MRAP2: variants seen among roughly 807,000 people sequenced by gnomAD.
The protein encoded by MRAP2 is melanocortin-2 receptor accessory protein 2.
In MRAP2, 20 loss-of-function variants were observed where a neutral mutation model predicts 17.4. The observed-to-expected ratio is 1.15, with a 90% CI of 0.81 to 1.67. The LOEUF (loss-of-function observed/expected upper bound fraction) is 1.67. Among genes scored for constraint, MRAP2 ranks in the 40% most tolerant of loss-of-function variants. The pLI is 0.00. For synonymous variants in MRAP2, 96 were observed against 88.4 expected (o/e 1.09, Z -0.48); for missense variants, 238 against 240.0 (o/e 0.99, Z 0.05).
chr6:84,109,151 T>G, the MRAP2 span, among the ~76,000 whole-genome samples: 12 of 152,282 alleles, frequency 7.9e-5, no homozygotes, highest in Admixed American at 7.2e-4. Context: ...TCTTGGCTTT[T>G]TGGGCTCTTT....
At chr6:84,121,579 G>C in the MRAP2 span, among the ~76,000 whole-genome samples, 1 of 152,078 alleles carries the variant, frequency 6.6e-6, no homozygotes. Flanking sequence ...AGGAGGCGGA[G>C]GTTGTAGTGA....
the MRAP2 span, among the ~76,000 whole-genome samples, chr6:84,140,927 A>T: frequency 6.6e-6 from 1 of 152,130 alleles, no homozygotes; most frequent in Non-Finnish European, 1.5e-5. Context: ...TCTTCCACGG[A>T]AAGAGGGAGG....
the MRAP2 span, among the ~76,000 whole-genome samples, chr6:84,137,471 T>C: frequency 6.6e-6 from 1 of 152,230 alleles, no homozygotes; most frequent in East Asian, 1.9e-4. Flanking sequence ...GCCACAATAG[T>C]CCCTGGGGTC....
intron 1 of MRAP2, among the ~76,000 whole-genome samples, chr6:84,037,058 T>C (rs904396978): frequency 3.3e-5 from 5 of 151,898 alleles, no homozygotes; most frequent in African/African-American, 1.2e-4. Flanking sequence ...AGAGTGCTGA[T>C]TGGTGTATTT....
At chr6:84,033,987 G>A in intron 1 of MRAP2, 104 bp downstream of exon 1, 1 of 903,272 alleles carries the variant, frequency 1.1e-6, no homozygotes, top group South Asian at 5.1e-5. Context: ...GGGTTTGGGG[G>A]CAGTCTTTAG....
chr6:84,125,320 G>A, the MRAP2 span: 5 of 1,538,344 alleles, frequency 3.3e-6, no homozygotes, highest in Non-Finnish European at 4.5e-6. Context: ...GTTCATAGTG[G>A]TGGGTGAGGA....
chr6:84,128,094 T>C, the MRAP2 span, among the ~76,000 whole-genome samples: 3 of 152,238 alleles, frequency 2.0e-5, no homozygotes, highest in Non-Finnish European at 4.4e-5. Context: ...TCACTATTCC[T>C]AGCACCCAGC....
At chr6:84,098,880 T>C in the MRAP2 span, among the ~76,000 whole-genome samples, 1 of 152,122 alleles carries the variant, frequency 6.6e-6, no homozygotes, top group African/African-American at 2.4e-5. Flanking sequence ...CTGCAAATAG[T>C]TTCTCTCAGT....
At chr6:84,040,228 G>A (rs1221916086) in intron 1 of MRAP2, among the ~76,000 whole-genome samples, 3 of 152,232 alleles carry the variant, frequency 2.0e-5, no homozygotes, top group Admixed American at 2.0e-4. Context: ...AAAGAAGGAT[G>A]TGTTTGCTTC....
At chr6:84,042,814 G>A (rs141346964) in intron 1 of MRAP2, among the ~76,000 whole-genome samples, 1 of 152,332 alleles carries the variant, frequency 6.6e-6, no homozygotes, top group East Asian at 1.9e-4. Context: ...GGCCTCAGAA[G>A]ATAAGATGGT....
the MRAP2 span, among the ~76,000 whole-genome samples, chr6:84,137,067 C>A: frequency 2.0e-5 from 3 of 152,174 alleles, no homozygotes; most frequent in African/African-American, 7.2e-5. Context: ...GTGGAGCATG[C>A]GGCATCTAAA....
chr6:84,101,955 G>A, the MRAP2 span, among the ~76,000 whole-genome samples: 1 of 152,186 alleles, frequency 6.6e-6, no homozygotes. Flanking sequence ...GGGAATTAAA[G>A]AGTTGAACAC....
chr6:84,121,079 T>C, the MRAP2 span, among the ~76,000 whole-genome samples: 1 of 110,058 alleles, frequency 9.1e-6, no homozygotes, highest in South Asian at 2.2e-4. Context: ...ATTTTTTAAT[T>C]TTTTTTTTTT....
At chr6:84,084,898 AT>A (rs1213627724) in intron 3 of MRAP2, among the ~76,000 whole-genome samples, 13 of 113,716 alleles carry the variant, frequency 1.1e-4, no homozygotes, top group African/African-American at 2.9e-4. Context: ...ATTTTATTTT[AT>A]TTTATTTTAT....
At chr6:84,105,734 T>G in the MRAP2 span, among the ~76,000 whole-genome samples, 1 of 152,152 alleles carries the variant, frequency 6.6e-6, no homozygotes, top group African/African-American at 2.4e-5. Flanking sequence ...ATATCATAAC[T>G]TCCTTCTTGG....
chr6:84,119,484 C>T, the MRAP2 span, among the ~76,000 whole-genome samples: 1 of 152,140 alleles, frequency 6.6e-6, no homozygotes, highest in Non-Finnish European at 1.5e-5. Context: ...CAATTACAGC[C>T]TTGTGCCTCT....
chr6:84,111,877 A>T, the MRAP2 span, among the ~76,000 whole-genome samples: 2 of 152,150 alleles, frequency 1.3e-5, no homozygotes, highest in African/African-American at 2.4e-5. Flanking sequence ...GGTTTTTGTC[A>T]TGGGTTCTGT....
At position 84,077,985 on chromosome 6, in the gene MRAP2, A is replaced by G. The variant is rs113783359; in HGVS notation, c.228-11106A>G. Among the ~76,000 whole-genome samples, 1,345 of 152,282 alleles carry G rather than the reference A, an allele frequency of 8.8e-3. 25 individuals are homozygous for G. Among genetic ancestry groups the G allele is most frequent in the African/African-American group, 0.03 (1,237 of 41,558 alleles). On this transcript the variant is annotated intron_variant, in intron 3 of 3. Coordinates refer to ENST00000257776, the MANE Select transcript of MRAP2 (RefSeq NM_138409.4). ...ACTAAGAAACCAAATTTTGAACGTT[A>G]CTTAATTTAAATTTAAATAGCCACA... is the stretch of plus-strand genomic sequence containing the variant.
At chr6:84,101,607 C>T in the MRAP2 span, among the ~76,000 whole-genome samples, 5 of 152,228 alleles carry the variant, frequency 3.3e-5, no homozygotes, top group East Asian at 9.6e-4. Context: ...TTATATGAAT[C>T]CTGTTTATTT....
Sources: allele counts gnomAD v4.1 joint callset (sites outside exome capture counted in the v4.1 genomes callset), GRCh38; gene constraint gnomAD v4.1.1; transcripts MANE v1.5; gene names NCBI Gene and HGNC (gene_info 2026-07-23, HGNC 2026-07-21).